Variants in PDS5B observed in about 807,000 individuals in gnomAD.
PDS5B encodes the protein PDS5 cohesin associated factor B.
PDS5B carries 51 observed loss-of-function variants against 184.1 expected under a neutral mutation model. That is an observed-to-expected ratio of 0.28 (90% CI 0.22 to 0.35). The LOEUF (loss-of-function observed/expected upper bound fraction) is 0.35, where lower values mean the gene tolerates loss of function less well. Ranked by LOEUF, PDS5B falls within the 10% of genes least tolerant of loss-of-function variation. The pLI is 1.00. For missense variants in PDS5B, 1,180 were observed against 1,723.3 expected (o/e 0.68, Z 5.58); for synonymous variants, 566 against 569.2 (o/e 0.99, Z 0.08).
intron 3 of PDS5B, among the ~76,000 whole-genome samples, chr13:32,653,066 G>T (rs1441361115): frequency 6.6e-6 from 1 of 152,062 alleles, no homozygotes; most frequent in Admixed American, 6.6e-5. Flanking sequence ...GGCTGAGGTG[G>T]GCCGATCACC....
At chr13:32,766,134 A>G (rs1954579969) in intron 31 of PDS5B, among the ~76,000 whole-genome samples, 1 of 152,232 alleles carries the variant, frequency 6.6e-6, no homozygotes, top group Non-Finnish European at 1.5e-5. Context: ...AGAGCTGGTC[A>G]CCACGTTGAA....
intron 1 of PDS5B, among the ~76,000 whole-genome samples, chr13:32,589,456 G>A (rs2057740475): frequency 6.6e-6 from 1 of 151,924 alleles, no homozygotes; most frequent in African/African-American, 2.4e-5. Context: ...GTCCATTTAG[G>A]TTGTCTCAGA....
intron 31 of PDS5B, among the ~76,000 whole-genome samples, chr13:32,769,442 A>G (rs930895916): frequency 6.6e-6 from 1 of 152,144 alleles, no homozygotes; most frequent in African/African-American, 2.4e-5. Context: ...GTCTTTGGAG[A>G]ATTTCTTCAG....
chr13:32,747,850 G>A (rs1351012760), intron 24 of PDS5B, among the ~76,000 whole-genome samples: 1 of 152,138 alleles, frequency 6.6e-6, no homozygotes, highest in East Asian at 1.9e-4. Flanking sequence ...CACAAAGTAT[G>A]CAAATACAAG....
intron 14 of PDS5B, 44 bp downstream of exon 14, chr13:32,694,348 A>G (rs747561819): frequency 8.8e-7 from 1 of 1,142,670 alleles, no homozygotes; most frequent in Admixed American, 1.9e-5. Flanking sequence ...AAACACATGT[A>G]TTTTAATTAC....
At chr13:32,693,188 T>C (rs878999444) in intron 13 of PDS5B, among the ~76,000 whole-genome samples, 2 of 152,042 alleles carry the variant, frequency 1.3e-5, no homozygotes, top group Admixed American at 1.3e-4. Context: ...GCTTTCAATG[T>C]TTATATTCTT....
chr13:32,694,970 A>G (rs150341088), intron 14 of PDS5B, among the ~76,000 whole-genome samples: 2 of 151,482 alleles, frequency 1.3e-5, no homozygotes, highest in East Asian at 3.9e-4. Flanking sequence ...TTTCTTTTTC[A>G]GTTTAGAGTG....
At chr13:32,707,884 C>T (rs563276485) in intron 18 of PDS5B, among the ~76,000 whole-genome samples, 54 of 151,580 alleles carry the variant, frequency 3.6e-4, no homozygotes, top group African/African-American at 1.3e-3. Flanking sequence ...ACTCCAGAGG[C>T]GGAGCTCAGA....
intron 1 of PDS5B, among the ~76,000 whole-genome samples, chr13:32,601,302 C>G (rs746453584): frequency 1.1e-4 from 17 of 152,130 alleles, no homozygotes; most frequent in Non-Finnish European, 4.4e-5. Context: ...CAGAACTGTT[C>G]ACACTCATTT....
chr13:32,775,312 CTT>C lies in PDS5B; in HGVS notation c.*265_*266del, dbSNP rs951200376. The C allele has an allele frequency of 2.2e-6, 1 of 446,486 alleles. No individual in the cohort carries two copies. The highest frequency in any genetic ancestry group is 4.0e-6 in the Non-Finnish European group (1 of 251,640). 27.7% of individuals were successfully genotyped at this position (446,486 alleles called of 1,614,324 possible). On this transcript the variant is annotated 3_prime_UTR_variant, in exon 35 of 35. Coordinates refer to ENST00000315596, the MANE Select transcript of PDS5B (RefSeq NM_015032.4). ...ACATAAAGAAGAAACTTGTAAATATCTTTTTTCTTTTTTTTAATGTTTCTGAT... is the reference window on the plus strand; with the variant it reads ...ACATAAAGAAGAAACTTGTAAATATCTTTTCTTTTTTTTAATGTTTCTGAT...
intron 19 of PDS5B, among the ~76,000 whole-genome samples, chr13:32,712,114 T>C (rs1952227239): frequency 6.6e-6 from 1 of 152,136 alleles, no homozygotes; most frequent in African/African-American, 2.4e-5. Flanking sequence ...TCCCTGGAGG[T>C]TTTATTATTT....
intron 1 of PDS5B, among the ~76,000 whole-genome samples, chr13:32,647,052 C>T (rs1950246192): frequency 6.6e-6 from 1 of 151,796 alleles, no homozygotes. Context: ...TAAATTTAAC[C>T]CTGTTTGGCT....
intron 23 of PDS5B, among the ~76,000 whole-genome samples, chr13:32,745,233 GTTTGA>G (rs1270821121): frequency 1.3e-5 from 2 of 152,164 alleles, no homozygotes; most frequent in African/African-American, 4.8e-5. Flanking sequence ...CAGTAGTTGT[GTTTGA>G]TTTATTAGCA....
chr13:32,736,653 T>C (rs1293174949), intron 21 of PDS5B, among the ~76,000 whole-genome samples: 2 of 152,140 alleles, frequency 1.3e-5, no homozygotes, highest in Non-Finnish European at 2.9e-5. Flanking sequence ...TAAAGTTTTT[T>C]ACAAACTTTA....
Position 32,775,755 on chromosome 13 carries a change from C to A in PDS5B, c.*703C>A. ...TTTGTCCCAGAATTTTCTGGCCTTT[C>A]ATGGCAATGAAAATTTTAAGAAGAA... On this transcript the variant is annotated 3_prime_UTR_variant, in exon 35 of 35. Transcript: ENST00000315596. 1 of 399,538 alleles carries A rather than the reference C, an allele frequency of 2.5e-6. No individual in the cohort carries two copies. The highest frequency in any genetic ancestry group is 7.9e-5 in the East Asian group (1 of 12,660). 24.7% of individuals were successfully genotyped at this position (399,538 alleles called of 1,614,324 possible).
At chr13:32,754,455 A>C (rs972501416) in intron 25 of PDS5B, among the ~76,000 whole-genome samples, 1 of 152,094 alleles carries the variant, frequency 6.6e-6, no homozygotes, top group Non-Finnish European at 1.5e-5. Flanking sequence ...TCTGTTGTCA[A>C]CTCTATCTGG....
intron 19 of PDS5B, among the ~76,000 whole-genome samples, chr13:32,714,853 C>T (rs2140904399): frequency 6.6e-6 from 1 of 152,278 alleles, no homozygotes; most frequent in East Asian, 1.9e-4. Flanking sequence ...AGGCGATATA[C>T]ATCCTCCTCA....
At chr13:32,741,840 A>G (rs898125114) in intron 22 of PDS5B, among the ~76,000 whole-genome samples, 2 of 152,046 alleles carry the variant, frequency 1.3e-5, no homozygotes, top group Non-Finnish European at 2.9e-5. Flanking sequence ...CCCCACCTTT[A>G]CATCAATGAA....
At chr13:32,630,883 C>G (rs1205441985) in intron 1 of PDS5B, among the ~76,000 whole-genome samples, 2 of 151,012 alleles carry the variant, frequency 1.3e-5, no homozygotes, top group African/African-American at 2.4e-5. Flanking sequence ...CTCCTGGATT[C>G]AAGTCATTCT....
Sources: gnomAD v4.1 joint callset for allele counts (sites outside exome capture counted in the v4.1 genomes callset) on GRCh38, gnomAD v4.1.1 for gene constraint, MANE v1.5 for transcripts, NCBI Gene and HGNC (gene_info 2026-07-23, HGNC 2026-07-21) for gene names.